PODXL: variants seen among roughly 807,000 people sequenced by gnomAD.
The protein encoded by PODXL is podocalyxin like.
PODXL carries 20 observed loss-of-function variants against 48.9 expected under a neutral mutation model. The observed-to-expected ratio is 0.41, with a 90% CI of 0.29 to 0.59. The LOEUF (loss-of-function observed/expected upper bound fraction) is 0.59, where lower values mean the gene tolerates loss of function less well. Ranked by LOEUF, PODXL falls within the 20% of genes least tolerant of loss-of-function variation. The probability of loss-of-function intolerance (pLI) is 0.31; values close to 1 mark genes in which losing one functional copy is unlikely to be tolerated. For synonymous variants in PODXL, 295 were observed against 287.4 expected, an observed-to-expected ratio of 1.03 and a Z score of -0.27; for missense variants, 606 against 675.1, an observed-to-expected ratio of 0.90 and a Z score of 1.13.
intron 1 of PODXL, among the ~76,000 whole-genome samples, chr7:131,528,127 C>T (rs1354651294): frequency 6.6e-6 from 1 of 151,844 alleles, no homozygotes; most frequent in African/African-American, 2.4e-5. Flanking sequence ...AACTCCTGAC[C>T]TCAAGTGATC....
At chr7:131,512,981 C>G (rs1237427380) in intron 1 of PODXL, among the ~76,000 whole-genome samples, 1 of 107,944 alleles carries the variant, frequency 9.3e-6, no homozygotes, top group Admixed American at 1.3e-4. Context: ...GGCGACTGAG[C>G]AAGACTCCGT....
At chr7:131,548,496 A>G (rs10235009) in intron 1 of PODXL, among the ~76,000 whole-genome samples, 90,147 of 152,136 alleles carry the variant, frequency 0.59, 27,560 homozygotes, top group Non-Finnish European at 0.68. Flanking sequence ...TCTGGGAGGC[A>G]CACTCTAAAG....
chr7:131,502,520 TA>T lies in PODXL; in HGVS notation c.*1790del, dbSNP rs1173660487. Reference sequence around the variant, plus strand: ...TCCCCAGCCCCTCCCCCTACCCTTTTAAAAAGTAAGCCATCCCGAGTGGATA... The same window carrying T: ...TCCCCAGCCCCTCCCCCTACCCTTTTAAAAGTAAGCCATCCCGAGTGGATA... On this transcript the variant is annotated 3_prime_UTR_variant, in exon 9 of 9. Coordinates refer to ENST00000378555, the MANE Select transcript of PODXL (RefSeq NM_001018111.3). 1.3e-5 allele frequency: 2 copies of T among 152,160 alleles called. No individual in the cohort carries two copies. The highest frequency in any genetic ancestry group is 2.9e-5 in the Non-Finnish European group (2 of 68,088). 9.4% of individuals were successfully genotyped at this position (152,160 alleles called of 1,614,324 possible). A position where few individuals can be genotyped will look rare whatever the true frequency, so the allele number is the denominator to read the frequency against.
intron 8 of PODXL, 43 bp downstream of exon 8, chr7:131,505,825 G>A: frequency 6.6e-7 from 1 of 1,519,026 alleles, no homozygotes; most frequent in Non-Finnish European, 8.8e-7. Flanking sequence ...TTCCTCTGGT[G>A]ACCTGGGCTG....
intron 1 of PODXL, among the ~76,000 whole-genome samples, chr7:131,532,756 C>T (rs1427905793): frequency 1.3e-5 from 2 of 152,116 alleles, no homozygotes; most frequent in Non-Finnish European, 2.9e-5. Context: ...GGAGGCGGTG[C>T]CTTGGGAGAG....
intron 1 of PODXL, among the ~76,000 whole-genome samples, chr7:131,524,409 A>AGAGAGAGAGAGAGAG (rs760491817): frequency 1.8e-4 from 13 of 72,132 alleles, no homozygotes; most frequent in Non-Finnish European, 3.5e-4. Flanking sequence ...GAGAGAGAGA[A>AGAGAGAGAGAGAGAG]AACAACAAGG....
chr7:131,505,624 T>A (rs537673175), intron 8 of PODXL, among the ~76,000 whole-genome samples: 15 of 151,898 alleles, frequency 9.9e-5, no homozygotes, highest in Admixed American at 4.6e-4. Context: ...CTGAAAAAAA[T>A]AATAATAATA....
At chr7:131,523,678 C>CAAAAAAAAAAAAAAAAAAAAAAAAAAA (rs753654977) in intron 1 of PODXL, among the ~76,000 whole-genome samples, 1 of 61,940 alleles carries the variant, frequency 1.6e-5, no homozygotes, top group Non-Finnish European at 2.5e-5. Flanking sequence ...GAATCCGTCT[C>CAAAAAAAAAAAAAAAAAAAAAAAAAAA]AAAAAAAAAA....
intron 1 of PODXL, among the ~76,000 whole-genome samples, chr7:131,514,422 G>A (rs933867304): frequency 2.0e-5 from 3 of 151,880 alleles, no homozygotes; most frequent in African/African-American, 7.3e-5. Flanking sequence ...CCAAAAAAAA[G>A]TGGGGTGGCG....
chr7:131,523,881 C>T (rs749733113), intron 1 of PODXL, among the ~76,000 whole-genome samples: 10 of 150,840 alleles, frequency 6.6e-5, no homozygotes, highest in African/African-American at 1.2e-4. Flanking sequence ...TCACCTCAAC[C>T]TCCGCCTCCC....
chr7:131,543,894 G>C (rs1733869), intron 1 of PODXL, among the ~76,000 whole-genome samples: 146,010 of 152,190 alleles, frequency 0.96, 70,329 homozygotes, highest in East Asian at 1. Flanking sequence ...CCCAATGGCT[G>C]AGAACATCCA....
intron 1 of PODXL, among the ~76,000 whole-genome samples, chr7:131,522,805 C>T (rs980031119): frequency 6.6e-6 from 1 of 152,196 alleles, no homozygotes; most frequent in Non-Finnish European, 1.5e-5. Flanking sequence ...TGTTTTCAAG[C>T]TTTTCTCTTT....
rs771188363 is a variant in PODXL at position 131,510,755 on chromosome 7, G to A, written c.706+73C>T. The A allele has an allele frequency of 3.7e-4, 589 of 1,575,468 alleles. 1 individual carries two copies. Among genetic ancestry groups the A allele is most frequent in the Middle Eastern group, 2.5e-3 (14 of 5,610 alleles). Reference sequence around the variant, plus strand: ...CCAAAGTGCTGGGATTACAAGGCATGAGCCTTTTCAGAGCCATCACGCCTG... The same window carrying A: ...CCAAAGTGCTGGGATTACAAGGCATAAGCCTTTTCAGAGCCATCACGCCTG... On this transcript the variant is annotated intron_variant, in intron 2 of 8. Coordinates refer to ENST00000378555, the MANE Select transcript of PODXL (RefSeq NM_001018111.3).
intron 1 of PODXL, among the ~76,000 whole-genome samples, chr7:131,548,628 A>G (rs906844210): frequency 1.3e-5 from 2 of 152,252 alleles, no homozygotes; most frequent in Non-Finnish European, 2.9e-5. Flanking sequence ...CTGAAGTTCT[A>G]TGATATGAGA....
chr7:131,506,136 G>A lies in PODXL; in HGVS notation c.1312-101C>T. The A allele has an allele frequency of 3.2e-6, 5 of 1,542,668 alleles. No homozygotes were observed. The South Asian group carries it at 5.8e-5, about 18-fold the overall frequency. ...CCGCTTGCAGTCTGCTAGGGTCCGT[G>A]CCGCCGCCCTCTTCTACATGCAGGC... On this transcript the variant is annotated intron_variant, in intron 7 of 8. Transcript: ENST00000378555.
In PODXL at chr7:131,516,736, CTTTTTTTTT is replaced by C. The variant is rs58722955; in HGVS notation, c.101-5312_101-5304del. ...CTTTGACTGTGGTGCTTTTTTTTCT[CTTTTTTTTT>C]TTTTTTTTGAGACAGGGTCTTGCTC... On this transcript the variant is annotated intron_variant, in intron 1 of 8. Coordinates refer to ENST00000378555, the MANE Select transcript of PODXL (RefSeq NM_001018111.3). 9.6e-5 allele frequency among the ~76,000 whole-genome samples: 12 copies of C among 125,620 alleles called. No homozygotes were observed. In the East Asian group the frequency reaches 2.5e-3, roughly 26 times the overall value. 82.4% of individuals were successfully genotyped at this position (125,620 alleles called of 152,430 possible). A position where few individuals can be genotyped will look rare whatever the true frequency, so the allele number is the denominator to read the frequency against.
chr7:131,510,027 T>C (rs910312874), intron 3 of PODXL, among the ~76,000 whole-genome samples: 1 of 152,118 alleles, frequency 6.6e-6, no homozygotes, highest in Non-Finnish European at 1.5e-5. Context: ...GGTGGCCTGC[T>C]GACTTCAGAC....
At chr7:131,512,542 G>A (rs138221524) in intron 1 of PODXL, among the ~76,000 whole-genome samples, 20 of 152,310 alleles carry the variant, frequency 1.3e-4, no homozygotes, top group Middle Eastern at 3.4e-3. Context: ...CCCGAGTAGG[G>A]AAAGCTGCTG....
chr7:131,503,055 G>A lies in PODXL; in HGVS notation c.*1256C>T, dbSNP rs1251726438. ...GTGGCACAGGAGAATCAGAGTGAGT[G>A]AGATGAGCTAACTGGACGTCTGCCA... is the stretch of plus-strand genomic sequence containing the variant. On this transcript the variant is annotated 3_prime_UTR_variant, in exon 9 of 9. Transcript: ENST00000378555. 1 of 152,702 alleles carries A rather than the reference G, an allele frequency of 6.5e-6. No individual in the cohort carries two copies. Among genetic ancestry groups the A allele is most frequent in the African/African-American group, 2.4e-5 (1 of 41,448 alleles). The allele number at this position is 152,702 out of a possible 1,614,324, so 9.5% of individuals were successfully genotyped here.
Sources: allele counts gnomAD v4.1 joint callset (sites outside exome capture counted in the v4.1 genomes callset), GRCh38; gene constraint gnomAD v4.1.1; transcripts MANE v1.5; gene names NCBI Gene and HGNC (gene_info 2026-07-23, HGNC 2026-07-21).